Variants in PIEZO2 observed in about 807,000 individuals in gnomAD.
PIEZO2 encodes the protein piezo-type mechanosensitive ion channel component 2.
Under a neutral mutation model 337.3 loss-of-function variants are expected in PIEZO2, and 172 were observed. The observed-to-expected ratio is 0.51, with a 90% CI of 0.45 to 0.58. The LOEUF is 0.58. Ranked by LOEUF, PIEZO2 falls within the 20% of genes least tolerant of loss-of-function variation. The pLI is 0.00. For synonymous variants in PIEZO2, 1,251 were observed against 1,228.5 expected, an observed-to-expected ratio of 1.02 and a Z score of -0.38; for missense variants, 3,028 against 3,391.3, an observed-to-expected ratio of 0.89 and a Z score of 2.66.
In PIEZO2 at chr18:10,800,724, C is replaced by T. The variant is rs114879499; in HGVS notation, c.1240-249G>A. ...TTGTTGCACTTTGCCTGAAACCATG[C>T]TTCGCACCTGCTGTCCTCAGTATGA... On this transcript the variant is annotated intron_variant, in intron 10 of 55. Coordinates refer to ENST00000674853, the MANE Select transcript of PIEZO2 (RefSeq NM_001378183.1). 0.016 allele frequency among the ~76,000 whole-genome samples: 2,362 copies of T among 152,332 alleles called. 58 individuals carry two copies. Among genetic ancestry groups the T allele is most frequent in the African/African-American group, 0.054 (2,243 of 41,570 alleles).
Position 10,773,233 on chromosome 18 carries a change from G to C in PIEZO2, c.2785+179C>G, listed in dbSNP as rs1240861846. ...GTCTCTACTCAGTCAGAATTAAAAA[G>C]AAATTGTTGGAGCAATTGGAACAGT... On this transcript the variant is annotated intron_variant, in intron 20 of 55. Transcript: ENST00000674853. The surrounding 1 kb of genome is among the most constrained non-coding windows in gnomAD (Gnocchi z 5.3). 6.6e-6 allele frequency among the ~76,000 whole-genome samples: 1 copy of C among 151,334 alleles called. No individual in the cohort carries two copies. Among genetic ancestry groups the C allele is most frequent in the Non-Finnish European group, 1.5e-5 (1 of 67,882 alleles).
chr18:10,832,175 G>A (rs183363802), intron 7 of PIEZO2, among the ~76,000 whole-genome samples: 2 of 152,208 alleles, frequency 1.3e-5, no homozygotes, highest in East Asian at 3.9e-4. Flanking sequence ...GTGGGCACCT[G>A]TAATCAGCTA....
rs1358559877 is a variant in PIEZO2, at chr18:10,781,569, TATA to T, written c.2493-1206_2493-1204del. Among the ~76,000 whole-genome samples, 1 of 152,136 alleles carries T rather than the reference TATA, an allele frequency of 6.6e-6. No homozygotes were observed. The highest frequency in any genetic ancestry group is 1.5e-5 in the Non-Finnish European group (1 of 68,024). ...AAACAATGTTATACGTTATAATTCT[TATA>T]ATATGAAATTCTATCAATATATAGG... On this transcript the variant is annotated intron_variant, in intron 17 of 55. Transcript: ENST00000674853. The surrounding 1 kb of genome is among the most constrained non-coding windows in gnomAD (Gnocchi z 4.1).
At chr18:11,124,792 T>C (rs957785503) in intron 1 of PIEZO2, among the ~76,000 whole-genome samples, 14 of 152,122 alleles carry the variant, frequency 9.2e-5, no homozygotes, top group African/African-American at 3.4e-4. Flanking sequence ...GAATAAACAA[T>C]ACACTTTAAA....
intron 5 of PIEZO2, among the ~76,000 whole-genome samples, chr18:10,858,388 C>T (rs1249771024): frequency 1.3e-5 from 2 of 149,596 alleles, no homozygotes; most frequent in South Asian, 2.1e-4. Context: ...AAAGCCATCA[C>T]CTTAAGGCAA....
intron 2 of PIEZO2, among the ~76,000 whole-genome samples, chr18:10,987,031 T>C (rs1252018355): frequency 1.3e-5 from 2 of 151,988 alleles, no homozygotes; most frequent in African/African-American, 4.8e-5. Flanking sequence ...TTGACTAGTA[T>C]AAAACATTGT....
Position 11,027,176 on chromosome 18 carries a change from G to C in PIEZO2, c.160+38951C>G, listed in dbSNP as rs2036572333. On this transcript the variant is annotated intron_variant, in intron 2 of 55. Transcript: ENST00000674853. This position sits in a 1 kb window ranked among gnomAD's most constrained non-coding sequence, Gnocchi z 4.2. Reference sequence around the variant, plus strand: ...GGAGCCAGAATTCAAGGGGCTTGGGGATGGAATTTGAAGAGACCCCAGAAT... The same window carrying C: ...GGAGCCAGAATTCAAGGGGCTTGGGCATGGAATTTGAAGAGACCCCAGAAT... Among the ~76,000 whole-genome samples, 1 of 152,222 alleles carries C rather than the reference G, an allele frequency of 6.6e-6. No homozygotes were observed. The highest frequency in any genetic ancestry group is 1.5e-5 in the Non-Finnish European group (1 of 68,044).
At chr18:10,921,794 G>C (rs2031426495) in intron 3 of PIEZO2, among the ~76,000 whole-genome samples, 1 of 152,148 alleles carries the variant, frequency 6.6e-6, no homozygotes, top group African/African-American at 2.4e-5. Context: ...ACATCCCTGA[G>C]AAAGAGAATA....
Position 10,984,804 on chromosome 18 carries a change from T to A in PIEZO2, c.161-5144A>T, listed in dbSNP as rs376544858. On this transcript the variant is annotated intron_variant, in intron 2 of 55. Transcript: ENST00000674853. ...ATAGAAAAGCATTATGATCAAATTG[T>A]CAAATTCTAAAACAAAGAATTTTGA... Among the ~76,000 whole-genome samples the A allele has an allele frequency of 7.0e-4, 107 of 152,272 alleles. 1 individual carries two copies. Among genetic ancestry groups the A allele is most frequent in the African/African-American group, 2.5e-3 (104 of 41,556 alleles).
At chr18:11,079,362 C>T (rs1488590965) in intron 1 of PIEZO2, among the ~76,000 whole-genome samples, 6 of 152,186 alleles carry the variant, frequency 3.9e-5, no homozygotes, top group Non-Finnish European at 5.9e-5. Context: ...AAGTTAACCT[C>T]CACAAATATC....
chr18:10,675,838 T>A lies in PIEZO2; in HGVS notation c.8082-550A>T, dbSNP rs145466787. 1.5e-3 allele frequency among the ~76,000 whole-genome samples: 227 copies of A among 152,176 alleles called. 2 individuals are homozygous for A. Among genetic ancestry groups the A allele is most frequent in the African/African-American group, 5.0e-3 (209 of 41,506 alleles). ...TGCTGTTCTTGTGATAGTGAATAAG[T>A]CTCATGAAATCTGATGGTTTTATAA... On this transcript the variant is annotated intron_variant, in intron 53 of 55. Coordinates refer to ENST00000674853, the MANE Select transcript of PIEZO2 (RefSeq NM_001378183.1).
In PIEZO2 at chr18:10,921,833, C is replaced by T. The variant is rs543731808; in HGVS notation, c.287-10605G>A. The stretch of plus-strand genomic sequence containing the variant: ...GCCTGAGGGTGGGTCTCTGAACTGG[C>T]CCCCTTGAGTGTGGCCGTCTTCTAT... On this transcript the variant is annotated intron_variant, in intron 3 of 55. Transcript: ENST00000674853. Among the ~76,000 whole-genome samples the T allele has an allele frequency of 1.2e-4, 19 of 152,196 alleles. 1 individual carries two copies. The highest frequency in any genetic ancestry group is 3.9e-4 in the African/African-American group (16 of 41,540).
rs909573186 is a variant in PIEZO2, at chr18:10,813,743, T to C, written c.918-6469A>G. ...AGACCCTGTTTTCAATTCTTTTCTA[T>C]ATATAGCCATAAGTGAAATTGTTGG... On this transcript the variant is annotated intron_variant, in intron 7 of 55. Transcript: ENST00000674853. The surrounding 1 kb of genome is among the most constrained non-coding windows in gnomAD (Gnocchi z 4.2). 1.3e-5 allele frequency among the ~76,000 whole-genome samples: 2 copies of C among 152,150 alleles called. No individual in the cohort carries two copies. The highest frequency in any genetic ancestry group is 4.8e-5 in the African/African-American group (2 of 41,422).
intron 1 of PIEZO2, among the ~76,000 whole-genome samples, chr18:11,072,277 A>T (rs547632806): frequency 5.3e-5 from 8 of 152,358 alleles, no homozygotes; most frequent in Non-Finnish European, 1.0e-4. Flanking sequence ...AAATGAAAAC[A>T]GCTTGATCTA....
intron 2 of PIEZO2, among the ~76,000 whole-genome samples, chr18:11,007,872 C>A (rs1335334443): frequency 6.6e-6 from 1 of 152,118 alleles, no homozygotes; most frequent in African/African-American, 2.4e-5. Flanking sequence ...AAAAGTTCTT[C>A]AGGAAGGAAA....
chr18:11,045,319 A>G (rs2037270788), intron 2 of PIEZO2, among the ~76,000 whole-genome samples: 2 of 151,328 alleles, frequency 1.3e-5, no homozygotes, highest in African/African-American at 2.4e-5. Flanking sequence ...AAAAAAAAAA[A>G]AAGAGAAAAC....
chr18:10,849,812 T>C (rs957916913), intron 7 of PIEZO2, among the ~76,000 whole-genome samples: 4 of 152,238 alleles, frequency 2.6e-5, no homozygotes, highest in African/African-American at 9.6e-5. Context: ...TTTTGTTTAG[T>C]TCACCATTTT....
rs9947638 is a variant in PIEZO2 at position 11,092,926 on chromosome 18, G to A, written c.65-26704C>T. Among the ~76,000 whole-genome samples, 2,926 of 152,210 alleles carry A rather than the reference G, an allele frequency of 0.019. 85 individuals are homozygous for A. The highest frequency in any genetic ancestry group is 0.067 in the African/African-American group (2,792 of 41,518). The stretch of plus-strand genomic sequence containing the variant: ...CTCAAAAAATTGGCTTAATATGCAC[G>A]TAAAGTGTTCTTTTAAATCAAACCA... On this transcript the variant is annotated intron_variant, in intron 1 of 55. Coordinates refer to ENST00000674853, the MANE Select transcript of PIEZO2 (RefSeq NM_001378183.1). The surrounding 1 kb of genome is among the most constrained non-coding windows in gnomAD (Gnocchi z 4.5).
At chr18:10,961,109 A>T (rs2033757674) in intron 3 of PIEZO2, among the ~76,000 whole-genome samples, 1 of 151,666 alleles carries the variant, frequency 6.6e-6, no homozygotes, top group South Asian at 2.1e-4. Flanking sequence ...TGAACCCGGG[A>T]GGCAGAGCTT....
Sources: allele counts gnomAD v4.1 joint callset (sites outside exome capture counted in the v4.1 genomes callset), GRCh38; gene constraint gnomAD v4.1.1; non-coding constraint Gnocchi (gnomAD v3.1); transcripts MANE v1.5; gene names NCBI Gene and HGNC (gene_info 2026-07-23, HGNC 2026-07-21).